NFIB: variants seen among roughly 807,000 people sequenced by gnomAD.
NFIB encodes the protein nuclear factor I B.
A neutral mutation model predicts 61.5 loss-of-function variants in NFIB; 11 were observed. That is an observed-to-expected ratio of 0.18 (90% CI 0.11 to 0.30). The LOEUF (loss-of-function observed/expected upper bound fraction) is 0.30. NFIB is among the 10% of genes least tolerant of loss of function. NFIB has a pLI of 1.00. For missense variants in NFIB, 471 were observed against 608.9 expected, an observed-to-expected ratio of 0.77 and a Z score of 2.38; for synonymous variants, 260 against 216.5, an observed-to-expected ratio of 1.20 and a Z score of -1.76.
intron 2 of NFIB, among the ~76,000 whole-genome samples, chr9:14,241,126 G>A (rs567552460): frequency 6.6e-5 from 10 of 152,306 alleles, no homozygotes; most frequent in African/African-American, 1.7e-4. Flanking sequence ...CAAATGAGGG[G>A]CAAATGTATT....
At chr9:14,165,410 T>C (rs1306467379) in intron 3 of NFIB, among the ~76,000 whole-genome samples, 1 of 152,148 alleles carries the variant, frequency 6.6e-6, no homozygotes, top group African/African-American at 2.4e-5. Context: ...AAATATGAAA[T>C]TGAATACAGC....
upstream of NFIB, among the ~76,000 whole-genome samples, chr9:14,399,748 T>C (rs1380038859): frequency 1.3e-5 from 2 of 152,184 alleles, no homozygotes; most frequent in African/African-American, 2.4e-5. Context: ...AATACTGCAA[T>C]ATTCAGTGAG....
At chr9:14,330,004 G>A (rs113652543) in intron 1 of NFIB, among the ~76,000 whole-genome samples, 2,952 of 152,090 alleles carry the variant, frequency 0.019, 87 homozygotes, top group African/African-American at 0.067. Flanking sequence ...GCACAGGCCT[G>A]TAGTCTCAGC....
chr9:14,155,557 G>T (rs1034803281), intron 4 of NFIB, among the ~76,000 whole-genome samples: 3 of 152,148 alleles, frequency 2.0e-5, no homozygotes, highest in African/African-American at 7.2e-5. Flanking sequence ...CTATGGTCAT[G>T]CAGAGAACAG....
chr9:14,382,672 A>G (rs544049075), intron 1 of NFIB, among the ~76,000 whole-genome samples: 1 of 152,120 alleles, frequency 6.6e-6, no homozygotes, highest in East Asian at 1.9e-4. Flanking sequence ...GGAAGCTCCT[A>G]GCAGCACTGT....
At chr9:14,323,749 C>T (rs2060714944) in intron 1 of NFIB, among the ~76,000 whole-genome samples, 1 of 152,008 alleles carries the variant, frequency 6.6e-6, no homozygotes, top group African/African-American at 2.4e-5. Context: ...AGAACTTAAA[C>T]GACATTGTTC....
At chr9:14,387,487 A>T (rs1211103925) in intron 1 of NFIB, among the ~76,000 whole-genome samples, 1 of 152,260 alleles carries the variant, frequency 6.6e-6, no homozygotes, top group Non-Finnish European at 1.5e-5. Context: ...ATTAGCATCC[A>T]GAATACATAC....
the NFIB span, among the ~76,000 whole-genome samples, chr9:14,487,702 C>T: frequency 6.6e-6 from 1 of 152,214 alleles, no homozygotes; most frequent in Non-Finnish European, 1.5e-5. Context: ...TTTCTACACC[C>T]CACATACCTC....
chr9:14,128,243 T>G (rs2039941763), intron 6 of NFIB, among the ~76,000 whole-genome samples: 1 of 152,202 alleles, frequency 6.6e-6, no homozygotes, highest in South Asian at 2.1e-4. Flanking sequence ...TCCAAATTTT[T>G]AATTTAAAAT....
intron 3 of NFIB, among the ~76,000 whole-genome samples, chr9:14,157,708 G>C (rs2043599834): frequency 6.6e-6 from 1 of 152,076 alleles, no homozygotes; most frequent in Non-Finnish European, 1.5e-5. Context: ...TGTCTTGCCT[G>C]GTCGGGGAAA....
At chr9:14,290,457 T>G (rs1198387484) in intron 2 of NFIB, among the ~76,000 whole-genome samples, 2 of 151,920 alleles carry the variant, frequency 1.3e-5, no homozygotes, top group East Asian at 3.9e-4. Flanking sequence ...TTTTCTCAGT[T>G]TACCCTCACA....
At chr9:14,346,294 C>CCCCA (rs1369069739) in intron 1 of NFIB, among the ~76,000 whole-genome samples, 6 of 137,826 alleles carry the variant, frequency 4.4e-5, no homozygotes, top group Non-Finnish European at 9.8e-5. Flanking sequence ...ACCGACACCC[C>CCCCA]CCCCCCGTAA....
intron 1 of NFIB, among the ~76,000 whole-genome samples, chr9:14,326,845 A>G (rs2060759234): frequency 1.3e-5 from 2 of 152,232 alleles, no homozygotes; most frequent in African/African-American, 4.8e-5. Flanking sequence ...TGAAGTATCA[A>G]CGATTTCTTA....
the NFIB span, among the ~76,000 whole-genome samples, chr9:14,440,865 T>C: frequency 6.6e-6 from 1 of 152,220 alleles, no homozygotes. Context: ...ATAAACCTGC[T>C]CTTTTTCTAC....
At chr9:14,179,676 C>A in intron 3 of NFIB, 51 bp downstream of exon 3, 1 of 1,600,100 alleles carries the variant, frequency 6.2e-7, no homozygotes, top group Non-Finnish European at 8.6e-7. Flanking sequence ...ACAGTGGTAC[C>A]TTTGTTCTCC....
chr9:14,284,132 T>C (rs960358958), intron 2 of NFIB, among the ~76,000 whole-genome samples: 3 of 152,162 alleles, frequency 2.0e-5, no homozygotes, highest in Non-Finnish European at 4.4e-5. Context: ...ATTCAAGATA[T>C]TTAACCTCAA....
At position 14,245,131 on chromosome 9, in the gene NFIB, T is replaced by C. The variant is rs543596138; in HGVS notation, c.562+61858A>G. On this transcript the variant is annotated intron_variant, in intron 2 of 10. Coordinates refer to ENST00000380953, the MANE Select transcript of NFIB (RefSeq NM_001190737.2). ...TCATTTGCCTGTCAGACATCAACAC[T>C]TGGGTCATGCCTACCCAACCTAGAA... 3.3e-4 allele frequency among the ~76,000 whole-genome samples: 51 copies of C among 152,266 alleles called. No homozygotes were observed. The Middle Eastern group carries it at 0.01, about 30-fold the overall frequency.
chr9:14,396,072 G>A (rs935273679), intron 1 of NFIB, among the ~76,000 whole-genome samples: 7 of 152,108 alleles, frequency 4.6e-5, no homozygotes, highest in African/African-American at 1.7e-4. Flanking sequence ...GGCTTTTGCA[G>A]CCGATTCCTA....
intron 10 of NFIB, among the ~76,000 whole-genome samples, chr9:14,100,242 T>C (rs1237067605): frequency 6.6e-6 from 1 of 152,162 alleles, no homozygotes; most frequent in African/African-American, 2.4e-5. Flanking sequence ...TGACTTACTA[T>C]GACCTGAAAC....
Sources: allele counts gnomAD v4.1 joint callset (sites outside exome capture counted in the v4.1 genomes callset), GRCh38; gene constraint gnomAD v4.1.1; transcripts MANE v1.5; gene names NCBI Gene and HGNC (gene_info 2026-07-23, HGNC 2026-07-21).